The following SAYSD1 variants were observed in gnomAD, a reference collection of about 807,000 sequenced individuals.
SAYSD1 encodes the protein SAYSVFN motif domain containing 1.
SAYSD1 carries 15 observed loss-of-function variants against 14.5 expected under a neutral mutation model. The observed-to-expected ratio is 1.03, with a 90% CI of 0.69 to 1.59. SAYSD1 has a LOEUF of 1.59. Among genes scored for constraint, SAYSD1 ranks in the 40% most tolerant of loss-of-function variants. The pLI, the probability that SAYSD1 is intolerant of heterozygous loss-of-function variation, is 0.00. For missense variants in SAYSD1, 247 were observed against 227.3 expected, an observed-to-expected ratio of 1.09 and a Z score of -0.56; for synonymous variants, 105 against 102.6, an observed-to-expected ratio of 1.02 and a Z score of -0.14.
chr6:39,105,493 C>T lies in SAYSD1; in HGVS notation c.491G>A (p.Gly164Asp), dbSNP rs201895660. 1.2e-5 allele frequency: 20 copies of T among 1,614,226 alleles called. No homozygotes were observed. In the African/African-American group the frequency reaches 2.4e-4, roughly 19 times the overall value. ...VFNPGCEAIQ[G>D]TLTAEQLERE... Reference sequence around the variant, plus strand: ...CTCCAACTGCTCTGCAGTCAGGGTGCCCTGGATGGCTTCACAGCCTGGATT... The same window carrying T: ...CTCCAACTGCTCTGCAGTCAGGGTGTCCTGGATGGCTTCACAGCCTGGATT... Residue 164 changes from glycine to aspartate, a missense_variant, in exon 2 of 2, where the codon GGC becomes GAC. Gly to Asp is a moderately conservative substitution (Grantham distance 94, BLOSUM62 -1). Coordinates refer to ENST00000229903, the MANE Select transcript of SAYSD1 (RefSeq NM_018322.3).
chr6:39,104,349 A>C lies in SAYSD1; in HGVS notation c.*1083T>G, dbSNP rs764407214. 6.6e-6 allele frequency: 1 copy of C among 152,154 alleles called. No individual in the cohort carries two copies. Among genetic ancestry groups the C allele is most frequent in the Non-Finnish European group, 1.5e-5 (1 of 68,012 alleles). The allele number at this position is 152,154 out of a possible 1,614,324, so 9.4% of individuals were successfully genotyped here. ...GCCCTAACCCAATGGGAGTTTGCCT[A>C]ATTTTAATGAACCCAAACTCTAACA... On this transcript the variant is annotated 3_prime_UTR_variant, in exon 2 of 2. Transcript: ENST00000229903.
intron 1 of SAYSD1, chr6:39,112,298 A>G (rs1374086919): frequency 6.5e-6 from 1 of 153,684 alleles, no homozygotes; most frequent in Non-Finnish European, 1.5e-5. Flanking sequence ...TAACGACCTC[A>G]AAACTGAGAA....
Position 39,115,073 on chromosome 6 carries a change from G to A in SAYSD1, c.17C>T (p.Ala6Val), listed in dbSNP as rs879583609. 1 of 1,607,894 alleles carries A rather than the reference G, an allele frequency of 6.2e-7. No individual in the cohort carries two copies. Among genetic ancestry groups the A allele is most frequent in the Non-Finnish European group, 8.5e-7 (1 of 1,179,656 alleles). The change falls in exon 1 of 2, where the codon GCT (alanine) becomes GTT (valine). Residue 6 changes from alanine (A) to valine (V), a missense_variant. Transcript: ENST00000229903. MEQRLAEFRAARKRAG... is the reference protein window; with the variant it reads MEQRLVEFRAARKRAG... ...CCGTTTCCGCGCCGCCCGAAACTCA[G>A]CTAACCGCTGTTCCATGGCGCGCGC...
rs1769597130 is a variant in SAYSD1, at chr6:39,110,067, TCA to T, written c.208-4293_208-4292del. Among the ~76,000 whole-genome samples, 4 of 152,294 alleles carry T rather than the reference TCA, an allele frequency of 2.6e-5. No individual in the cohort carries two copies. In the South Asian group the frequency reaches 8.3e-4, roughly 32 times the overall value. On this transcript the variant is annotated intron_variant, in intron 1 of 1. Transcript: ENST00000229903. ...GGGTATTCCATTCTGGATATATATT[TCA>T]GTTTTGTCATCCCTTCATCAAGGGA...
intron 1 of SAYSD1, among the ~76,000 whole-genome samples, chr6:39,107,858 G>C (rs172935): frequency 6.6e-6 from 1 of 152,120 alleles, no homozygotes; most frequent in African/African-American, 2.4e-5. Context: ...ATGAGATGAC[G>C]GGGCTAAGGA....
intron 1 of SAYSD1, chr6:39,109,531 C>A: frequency 6.9e-7 from 1 of 1,447,516 alleles, no homozygotes. Context: ...GCCGCAGTGG[C>A]TTTGTTGCTC....
At position 39,114,923 on chromosome 6, in the gene SAYSD1, G is replaced by C. The variant is rs1165417354; in HGVS notation, c.167C>G (p.Pro56Arg). 2 of 1,613,344 alleles carry C rather than the reference G, an allele frequency of 1.2e-6. No homozygotes were observed. The highest frequency in any genetic ancestry group is 1.7e-6 in the Non-Finnish European group (2 of 1,179,912). Residue 56 changes from proline (P) to arginine (R), a missense_variant, in exon 1 of 2, where the codon CCT becomes CGT. Coordinates refer to ENST00000229903, the MANE Select transcript of SAYSD1 (RefSeq NM_018322.3). ...CTGGGCCCGGGCACTCGCGGGCCTA[G>C]GTTTCCATACCAGGAACCGCTTTAG... ...GWLKRFLVWK[P>R]RPASARAQPG...
chr6:39,107,551 C>A (rs1024213602), intron 1 of SAYSD1, among the ~76,000 whole-genome samples: 2 of 152,180 alleles, frequency 1.3e-5, no homozygotes, highest in African/African-American at 4.8e-5. Flanking sequence ...ATCCCCTATT[C>A]TTCTTCACGT....
chr6:39,111,216 A>G (rs1769619179), intron 1 of SAYSD1: 1 of 152,226 alleles, frequency 6.6e-6, no homozygotes, highest in African/African-American at 2.4e-5. Flanking sequence ...ATCCTTCCCT[A>G]AAGCCTACCA....
intron 1 of SAYSD1, among the ~76,000 whole-genome samples, chr6:39,114,630 A>G (rs1769698469): frequency 6.6e-6 from 1 of 152,218 alleles, no homozygotes; most frequent in Non-Finnish European, 1.5e-5. Context: ...TTAAGAGCAG[A>G]GGTGCTTTCT....
At position 39,115,132 on chromosome 6, in the gene SAYSD1, C is replaced by T. The variant is rs1311117881; in HGVS notation, c.-43G>A. 1 of 1,558,812 alleles carries T rather than the reference C, an allele frequency of 6.4e-7. No individual in the cohort carries two copies. Among genetic ancestry groups the T allele is most frequent in the Non-Finnish European group, 8.6e-7 (1 of 1,156,478 alleles). On this transcript the variant is annotated 5_prime_UTR_variant, in exon 1 of 2. Coordinates refer to ENST00000229903, the MANE Select transcript of SAYSD1 (RefSeq NM_018322.3). ...CGTTGGCCGATAAGGGAGCGCGCGC[C>T]CGCAGGCCGCACAGCAGTTGCCTCC...
chr6:39,114,043 T>C (rs1769682714), intron 1 of SAYSD1, among the ~76,000 whole-genome samples: 1 of 152,258 alleles, frequency 6.6e-6, no homozygotes, highest in South Asian at 2.1e-4. Context: ...TTTCTTCCAG[T>C]ATATTTTCAT....
chr6:39,107,574 G>A (rs752121323), intron 1 of SAYSD1, among the ~76,000 whole-genome samples: 47 of 152,184 alleles, frequency 3.1e-4, no homozygotes, highest in Non-Finnish European at 4.9e-4. Context: ...ATATTTAAAA[G>A]GGGATCACAA....
chr6:39,109,928 A>G (rs1425139835), intron 1 of SAYSD1, among the ~76,000 whole-genome samples: 2 of 152,196 alleles, frequency 1.3e-5, no homozygotes, highest in African/African-American at 2.4e-5. Flanking sequence ...TTCTGGATGA[A>G]GAGTATTCCA....
At chr6:39,111,715 A>G (rs1769628967) in intron 1 of SAYSD1, 1 of 152,240 alleles carries the variant, frequency 6.6e-6, no homozygotes, top group Non-Finnish European at 1.5e-5. Flanking sequence ...TCGTATCCTA[A>G]TGGAAGTCCA....
chr6:39,105,278 G>T lies in SAYSD1; in HGVS notation c.*154C>A. ...CACCAAAACTATCAAAGATCAAATG[G>T]CAGCAAAAGATCAGGGAAAGAAGGT... On this transcript the variant is annotated 3_prime_UTR_variant, in exon 2 of 2. Coordinates refer to ENST00000229903, the MANE Select transcript of SAYSD1 (RefSeq NM_018322.3). The T allele has an allele frequency of 1.6e-6, 1 of 632,932 alleles. No individual in the cohort carries two copies. Among genetic ancestry groups the T allele is most frequent in the Non-Finnish European group, 2.7e-6 (1 of 366,176 alleles). 39.2% of individuals were successfully genotyped at this position (632,932 alleles called of 1,614,324 possible).
At chr6:39,108,817 T>C (rs545085336) in intron 1 of SAYSD1, among the ~76,000 whole-genome samples, 1 of 152,338 alleles carries the variant, frequency 6.6e-6, no homozygotes, top group East Asian at 1.9e-4. Flanking sequence ...CCTGCTCAGC[T>C]GATTTAAAAT....
chr6:39,106,047 G>C (rs1769497258), intron 1 of SAYSD1, among the ~76,000 whole-genome samples: 2 of 152,186 alleles, frequency 1.3e-5, no homozygotes, highest in Non-Finnish European at 2.9e-5. Context: ...CATTTCTTCA[G>C]ATTAGTCTGC....
chr6:39,114,959 G>T lies in SAYSD1; in HGVS notation c.131C>A (p.Ala44Asp). The stretch of plus-strand genomic sequence containing the variant: ...CAGGAACCGCTTTAGCCAGCCTGGG[G>T]CTGCCTTTAGAGTCGCTGCTGCTTC... ...KAEAAATLKA[A>D]PGWLKRFLVW... is the part of the protein sequence containing the mutation. Residue 44 changes from alanine to aspartate, a missense_variant, in exon 1 of 2, where the codon GCC becomes GAC. Coordinates refer to ENST00000229903, the MANE Select transcript of SAYSD1 (RefSeq NM_018322.3). 1 of 1,613,896 alleles carries T rather than the reference G, an allele frequency of 6.2e-7. No homozygotes were observed. The highest frequency in any genetic ancestry group is 8.5e-7 in the Non-Finnish European group (1 of 1,179,916).
Sources: allele counts gnomAD v4.1 joint callset (sites outside exome capture counted in the v4.1 genomes callset), GRCh38; gene constraint gnomAD v4.1.1; transcripts MANE v1.5; gene names NCBI Gene and HGNC (gene_info 2026-07-23, HGNC 2026-07-21).